The following DPY19L4 variants were observed in gnomAD, a reference collection of about 807,000 sequenced individuals.
DPY19L4 encodes the protein dpy-19 like 4.
Under a neutral mutation model 102.8 loss-of-function variants are expected in DPY19L4, and 97 were observed. The observed-to-expected ratio is 0.94, with a 90% CI of 0.80 to 1.12. The LOEUF (loss-of-function observed/expected upper bound fraction) is 1.12, where lower values mean the gene tolerates loss of function less well. Ranked by LOEUF, DPY19L4 falls within the 50% of genes most tolerant of loss-of-function variation. DPY19L4 has a pLI of 0.00. For synonymous variants in DPY19L4, 252 were observed against 283.1 expected (o/e 0.89, Z 1.10); for missense variants, 815 against 850.4 (o/e 0.96, Z 0.52).
chr8:94,773,911 T>C (rs1813049495), intron 13 of DPY19L4, among the ~76,000 whole-genome samples: 1 of 148,762 alleles, frequency 6.7e-6, no homozygotes. Context: ...GGCATGCGTC[T>C]GTGGTCCCAG....
chr8:94,781,105 G>A lies in DPY19L4; in HGVS notation c.1654G>A (p.Glu552Lys), dbSNP rs779296308. ...TTAGTTTTTTCCCAGATTAATGACA[G>A]AATTAATGGAACTACAGGAATTCTA... ...WKEFFPRLMT[E>K]LMELQEFYDP... The change falls in exon 16 of 19, where the codon GAA becomes AAA. Residue 552 changes from glutamate (E) to lysine (K), a missense_variant. Transcript: ENST00000414645. 2 of 1,517,648 alleles carry A rather than the reference G, an allele frequency of 1.3e-6. No homozygotes were observed. The highest frequency in any genetic ancestry group is 2.3e-5 in the East Asian group (1 of 43,110). The allele number at this position is 1,517,648 out of a possible 1,614,324, so 94.0% of individuals were successfully genotyped here. A position where few individuals can be genotyped will look rare whatever the true frequency, so the allele number is the denominator to read the frequency against.
intron 17 of DPY19L4, 58 bp from the exon 18 acceptor site, chr8:94,787,836 C>A (rs1813717864): frequency 9.8e-7 from 1 of 1,018,538 alleles, no homozygotes; most frequent in South Asian, 4.3e-5. Flanking sequence ...TTTTAAATGT[C>A]CTTTAAATTT....
chr8:94,789,387 G>A (rs1813796468), intron 18 of DPY19L4, among the ~76,000 whole-genome samples: 2 of 152,194 alleles, frequency 1.3e-5, no homozygotes, highest in Admixed American at 6.5e-5. Context: ...CACGAGAAGA[G>A]TGAATATATT....
chr8:94,733,610 C>T (rs1811065040), intron 2 of DPY19L4, among the ~76,000 whole-genome samples: 1 of 152,044 alleles, frequency 6.6e-6, no homozygotes, highest in Non-Finnish European at 1.5e-5. Flanking sequence ...GGCACGCTCT[C>T]TGCTCACTGC....
intron 13 of DPY19L4, among the ~76,000 whole-genome samples, chr8:94,774,490 T>C (rs1813079778): frequency 6.6e-6 from 1 of 152,144 alleles, no homozygotes; most frequent in African/African-American, 2.4e-5. Context: ...TTTCATCTTG[T>C]AAATCTAAAA....
At chr8:94,746,118 G>T (rs550541865) in intron 6 of DPY19L4, among the ~76,000 whole-genome samples, 3 of 138,082 alleles carry the variant, frequency 2.2e-5, no homozygotes, top group African/African-American at 8.1e-5. Flanking sequence ...CTAAAGTGCA[G>T]GGGTGCGATC....
chr8:94,730,527 C>T lies in DPY19L4; in HGVS notation c.127+4086C>T, dbSNP rs550443636. On this transcript the variant is annotated intron_variant, in intron 2 of 18. Coordinates refer to ENST00000414645, the MANE Select transcript of DPY19L4 (RefSeq NM_181787.3). ...TTGGGAGGCTGAGGTGGGGGGATCA[C>T]CTGAGGTCGGGAGTTTGAGACCAGC... 1.8e-4 allele frequency among the ~76,000 whole-genome samples: 28 copies of T among 151,934 alleles called. No individual in the cohort carries two copies. The Middle Eastern group carries it at 0.021, about 111-fold the overall frequency.
intron 8 of DPY19L4, among the ~76,000 whole-genome samples, chr8:94,764,234 A>AAGTGT (rs1812528044): frequency 1.3e-5 from 2 of 152,156 alleles, no homozygotes; most frequent in Admixed American, 6.5e-5. Flanking sequence ...TCTGATTTAG[A>AAGTGT]CACTGATGCT....
intron 2 of DPY19L4, among the ~76,000 whole-genome samples, chr8:94,730,688 T>TGAGTC (rs1369591734): frequency 1.4e-5 from 2 of 148,124 alleles, no homozygotes; most frequent in African/African-American, 5.0e-5. Context: ...GAGGTTGCAG[T>TGAGTC]GAGTCGAGAT....
chr8:94,750,671 A>G (rs562818290), intron 6 of DPY19L4, among the ~76,000 whole-genome samples: 1 of 152,294 alleles, frequency 6.6e-6, no homozygotes, highest in Admixed American at 6.5e-5. Context: ...TTGACATAGA[A>G]TGAACTGGAC....
intron 1 of DPY19L4, among the ~76,000 whole-genome samples, chr8:94,722,256 A>C (rs961618787): frequency 6.6e-6 from 1 of 151,866 alleles, no homozygotes; most frequent in African/African-American, 2.4e-5. Flanking sequence ...AAAATACAAA[A>C]GTTAGCCGGG....
intron 7 of DPY19L4, among the ~76,000 whole-genome samples, chr8:94,759,040 C>T (rs1402814503): frequency 6.6e-6 from 1 of 152,132 alleles, no homozygotes; most frequent in Non-Finnish European, 1.5e-5. Context: ...CATGGTCTCG[C>T]TGACTTCAAG....
chr8:94,787,767 A>T, intron 17 of DPY19L4, 127 bp from the exon 18 acceptor site: 1 of 284,980 alleles, frequency 3.5e-6, no homozygotes. Context: ...TATATTTTTC[A>T]TATATAATCG....
Position 94,738,408 on chromosome 8 carries a change from A to G in DPY19L4, c.292A>G (p.Ile98Val). ...AATCACGTTTCAGGGTGACAGTGCC[A>G]TTTATTACTCCTATTATAAAGATAT... ...REITFQGDSA[I>V]YYSYYKDMLK... The change falls in exon 4 of 19, where the codon ATT becomes GTT. Residue 98 changes from isoleucine (I) to valine (V), a missense_variant. Transcript: ENST00000414645. 1 of 1,559,674 alleles carries G rather than the reference A, an allele frequency of 6.4e-7. No individual in the cohort carries two copies. The highest frequency in any genetic ancestry group is 1.3e-5 in the South Asian group (1 of 77,642).
intron 13 of DPY19L4, among the ~76,000 whole-genome samples, chr8:94,776,059 G>T (rs1813167168): frequency 8.8e-6 from 1 of 113,282 alleles, no homozygotes; most frequent in African/African-American, 3.4e-5. Flanking sequence ...TTGAGATGGA[G>T]TCTCCCTGTG....
At chr8:94,752,887 G>A (rs1374244159) in intron 6 of DPY19L4, among the ~76,000 whole-genome samples, 2 of 151,272 alleles carry the variant, frequency 1.3e-5, no homozygotes, top group African/African-American at 2.4e-5. Context: ...GGATGGTCTC[G>A]ATTTCCTGAC....
chr8:94,780,047 T>G (rs552441497), intron 14 of DPY19L4, among the ~76,000 whole-genome samples: 1 of 152,330 alleles, frequency 6.6e-6, no homozygotes, highest in Non-Finnish European at 1.5e-5. Context: ...CTGTATAACA[T>G]AAATTTCTGG....
intron 8 of DPY19L4, 64 bp downstream of exon 8, chr8:94,761,898 A>G: frequency 6.7e-7 from 1 of 1,495,210 alleles, no homozygotes; most frequent in East Asian, 2.4e-5. Flanking sequence ...ATTGTATCTT[A>G]AAACCTCTCT....
chr8:94,764,108 G>T (rs529012706), intron 8 of DPY19L4, among the ~76,000 whole-genome samples: 2 of 152,038 alleles, frequency 1.3e-5, no homozygotes, highest in Non-Finnish European at 2.9e-5. Flanking sequence ...ATTTTCACTG[G>T]GTAGGTTTTG....
Sources: allele counts gnomAD v4.1 joint callset (sites outside exome capture counted in the v4.1 genomes callset), GRCh38; gene constraint gnomAD v4.1.1; transcripts MANE v1.5; gene names NCBI Gene and HGNC (gene_info 2026-07-23, HGNC 2026-07-21).